The following PLPPR5 variants were observed in gnomAD, a reference collection of about 807,000 sequenced individuals.
The protein encoded by PLPPR5 is phospholipid phosphatase-related protein type 5.
A neutral mutation model predicts 33.9 loss-of-function variants in PLPPR5; 16 were observed. The ratio of observed to expected loss-of-function variants is 0.47; its 90% CI spans 0.32 to 0.72. PLPPR5 has a LOEUF of 0.72. Ranked by LOEUF, PLPPR5 falls within the 30% of genes least tolerant of loss-of-function variation. PLPPR5 has a pLI of 0.03. For synonymous variants in PLPPR5, 163 were observed against 150.3 expected (o/e 1.08, Z -0.62); for missense variants, 301 against 406.7 (o/e 0.74, Z 2.23).
chr1:98,899,744 C>T (rs1275613692), intron 5 of PLPPR5, among the ~76,000 whole-genome samples: 1 of 150,700 alleles, frequency 6.6e-6, no homozygotes, highest in Non-Finnish European at 1.5e-5. Context: ...CTGTAACCTC[C>T]GCCTCCCGGG....
At chr1:98,950,253 A>G (rs890643896) in intron 3 of PLPPR5, among the ~76,000 whole-genome samples, 1 of 152,212 alleles carries the variant, frequency 6.6e-6, no homozygotes, top group Admixed American at 6.6e-5. Context: ...GATTCAATAA[A>G]TTATCACAAA....
intron 5 of PLPPR5, among the ~76,000 whole-genome samples, chr1:98,900,738 G>A (rs769426102): frequency 6.6e-6 from 1 of 152,130 alleles, no homozygotes; most frequent in Non-Finnish European, 1.5e-5. Context: ...GGAGGATGTG[G>A]ATAATGGACC....
chr1:98,898,400 CT>C (rs1186252174), intron 5 of PLPPR5, among the ~76,000 whole-genome samples: 1 of 152,134 alleles, frequency 6.6e-6, no homozygotes, highest in Non-Finnish European at 1.5e-5. Context: ...AATATTGTCC[CT>C]GTTTATTTTG....
chr1:98,922,061 G>A lies in PLPPR5; in HGVS notation c.622-3C>T, dbSNP rs2101162254. On this transcript the variant is annotated splice_region_variant and splice_polypyrimidine_tract_variant and intron_variant, in intron 3 of 5. Coordinates refer to ENST00000263177, the MANE Select transcript of PLPPR5 (RefSeq NM_001037317.2). ...TTGATTGTGTTGGTGATGTACATCT[G>A]AAACATTCAATAAAAAAAATGACTT... The A allele has an allele frequency of 6.4e-7, 1 of 1,555,408 alleles. No homozygotes were observed. The highest frequency in any genetic ancestry group is 1.7e-4 in the Middle Eastern group (1 of 5,948).
intron 1 of PLPPR5, among the ~76,000 whole-genome samples, chr1:99,003,182 A>G (rs758605634): frequency 4.0e-5 from 6 of 149,972 alleles, no homozygotes; most frequent in Admixed American, 1.3e-4. Flanking sequence ...AGGACATGTG[A>G]TAAAGTTACT....
At chr1:98,909,983 GA>G (rs762522630) in intron 5 of PLPPR5, among the ~76,000 whole-genome samples, 4 of 152,108 alleles carry the variant, frequency 2.6e-5, no homozygotes, top group African/African-American at 4.8e-5. Flanking sequence ...TTAACTATAT[GA>G]AAAACTCCTA....
chr1:98,911,335 G>C (rs866271607), intron 5 of PLPPR5, among the ~76,000 whole-genome samples: 40 of 152,232 alleles, frequency 2.6e-4, no homozygotes, highest in African/African-American at 9.6e-4. Context: ...TGAAAACAGA[G>C]CACATAAATT....
At chr1:98,967,971 G>T (rs756599046) in intron 1 of PLPPR5, among the ~76,000 whole-genome samples, 3 of 151,998 alleles carry the variant, frequency 2.0e-5, no homozygotes, top group Non-Finnish European at 4.4e-5. Flanking sequence ...TGTAGATGAG[G>T]GTCAGTGGGA....
intron 5 of PLPPR5, among the ~76,000 whole-genome samples, chr1:98,901,853 A>G (rs1648705269): frequency 6.6e-6 from 1 of 152,070 alleles, no homozygotes; most frequent in Non-Finnish European, 1.5e-5. Flanking sequence ...ATTACTTATA[A>G]TTGTGGAAAA....
intron 3 of PLPPR5, among the ~76,000 whole-genome samples, chr1:98,939,731 C>A (rs973509244): frequency 1.3e-5 from 2 of 151,846 alleles, no homozygotes; most frequent in Non-Finnish European, 2.9e-5. Context: ...GCCAGCGATA[C>A]CTGGGTCCTG....
At chr1:98,910,436 A>G (rs1347010720) in intron 5 of PLPPR5, among the ~76,000 whole-genome samples, 2 of 152,192 alleles carry the variant, frequency 1.3e-5, no homozygotes, top group Non-Finnish European at 2.9e-5. Flanking sequence ...AATGAAACCA[A>G]TTTGACCACA....
Position 99,004,658 on chromosome 1 carries a change from G to T in PLPPR5, c.14C>A (p.Pro5His), listed in dbSNP as rs142171434. Residue 5 changes from proline (P) to histidine (H), a missense_variant, in exon 1 of 6, where the codon CCC becomes CAC. Coordinates refer to ENST00000263177, the MANE Select transcript of PLPPR5 (RefSeq NM_001037317.2). ...GAGCATGCTGCTGGTGAGCGCCGCG[G>T]GCAGCAGGGGCATGCACGCCTCCCG... MPLL[P>H]AALTSSMLYF... is the part of the protein sequence containing the mutation. The T allele has an allele frequency of 6.2e-7, 1 of 1,610,524 alleles. No homozygotes were observed. The highest frequency in any genetic ancestry group is 1.3e-5 in the African/African-American group (1 of 74,704).
At chr1:98,909,907 T>C (rs1649059852) in intron 5 of PLPPR5, among the ~76,000 whole-genome samples, 1 of 152,150 alleles carries the variant, frequency 6.6e-6, no homozygotes, top group Non-Finnish European at 1.5e-5. Flanking sequence ...CCAAATGTAA[T>C]GAATGTTCAG....
chr1:98,922,203 T>C lies in PLPPR5; in HGVS notation c.622-145A>G, dbSNP rs932140262. On this transcript the variant is annotated intron_variant, in intron 3 of 5. Transcript: ENST00000263177. ...CATTAACTGGAGTTTATGAAGTTTT[T>C]GAAATCAGTTTCTTAAAAGCAGAAT... The C allele has an allele frequency of 5.0e-6, 4 of 805,516 alleles. No homozygotes were observed. In the Admixed American group the frequency reaches 1.0e-4, roughly 20 times the overall value. 49.9% of individuals were successfully genotyped at this position (805,516 alleles called of 1,614,324 possible).
intron 5 of PLPPR5, among the ~76,000 whole-genome samples, chr1:98,905,601 C>T (rs1014243234): frequency 2.5e-4 from 38 of 152,092 alleles, no homozygotes; most frequent in African/African-American, 8.9e-4. Context: ...CTCATTTTGT[C>T]ATCTTAGATA....
chr1:98,979,369 T>C (rs769674882), intron 1 of PLPPR5, among the ~76,000 whole-genome samples: 1 of 152,100 alleles, frequency 6.6e-6, no homozygotes, highest in Non-Finnish European at 1.5e-5. Context: ...GCCTCAGTTT[T>C]ATCATCTCTA....
intron 3 of PLPPR5, among the ~76,000 whole-genome samples, chr1:98,929,256 T>C (rs1407176695): frequency 6.6e-6 from 1 of 152,214 alleles, no homozygotes; most frequent in African/African-American, 2.4e-5. Context: ...TGCCGTCACA[T>C]GGCACCATGA....
chr1:98,967,099 T>C (rs1258685100), intron 1 of PLPPR5, among the ~76,000 whole-genome samples: 2 of 152,166 alleles, frequency 1.3e-5, no homozygotes, highest in Non-Finnish European at 2.9e-5. Context: ...AGATACTGAT[T>C]CAAACAAATA....
At chr1:98,991,177 C>G (rs143811127) in intron 1 of PLPPR5, 25 of 151,830 alleles carry the variant, frequency 1.6e-4, no homozygotes, top group Non-Finnish European at 2.8e-4. Context: ...GGTTTAGAAG[C>G]CCAGCTTAGT....
Sources: allele counts gnomAD v4.1 joint callset (sites outside exome capture counted in the v4.1 genomes callset), GRCh38; gene constraint gnomAD v4.1.1; transcripts MANE v1.5; gene names NCBI Gene and HGNC (gene_info 2026-07-23, HGNC 2026-07-21).